The following WDFY4 variants were observed in gnomAD, a reference collection of about 807,000 sequenced individuals.
WDFY4 encodes WDFY family member 4.
A neutral mutation model predicts 351.9 loss-of-function variants in WDFY4; 169 were observed. The observed-to-expected ratio is 0.48, with a 90% confidence interval of 0.42 to 0.55. The LOEUF (loss-of-function observed/expected upper bound fraction) is 0.55, where lower values mean the gene tolerates loss of function less well. Ranked by LOEUF, WDFY4 falls within the 20% of genes least tolerant of loss-of-function variation. The pLI is 0.00. For synonymous variants in WDFY4, 1,622 were observed against 1,574.6 expected, an observed-to-expected ratio of 1.03 and a Z score of -0.71; for missense variants, 3,803 against 3,935.6, an observed-to-expected ratio of 0.97 and a Z score of 0.90.
intron 17 of WDFY4, among the ~76,000 whole-genome samples, 161 bp from the exon 18 acceptor site, chr10:48,778,450 T>A (rs2066108566): frequency 6.6e-6 from 1 of 152,262 alleles, no homozygotes; most frequent in Non-Finnish European, 1.5e-5. Context: ...CTCTGCTCCC[T>A]TGGCAAGGCA....
intron 12 of WDFY4, among the ~76,000 whole-genome samples, chr10:48,747,142 G>A (rs1206841538): frequency 6.6e-6 from 1 of 152,136 alleles, no homozygotes; most frequent in Non-Finnish European, 1.5e-5. Flanking sequence ...GTTTTGCTGG[G>A]TAAACATTTA....
intron 13 of WDFY4, among the ~76,000 whole-genome samples, chr10:48,773,192 T>C (rs1202621130): frequency 6.6e-6 from 1 of 152,218 alleles, no homozygotes; most frequent in East Asian, 1.9e-4. Flanking sequence ...TTTACACTGT[T>C]GGTGGGACTG....
rs548360397 is a variant in WDFY4 at position 48,982,686 on chromosome 10, A to T, written c.*111A>T. 1 of 1,109,102 alleles carries T rather than the reference A, an allele frequency of 9.0e-7. No homozygotes were observed. Among genetic ancestry groups the T allele is most frequent in the Admixed American group, 2.1e-5 (1 of 48,330 alleles). 68.7% of individuals were successfully genotyped at this position (1,109,102 alleles called of 1,614,324 possible). A position where few individuals can be genotyped will look rare whatever the true frequency, so the allele number is the denominator to read the frequency against. On this transcript the variant is annotated 3_prime_UTR_variant, in exon 62 of 62. Coordinates refer to ENST00000325239, the MANE Select transcript of WDFY4 (RefSeq NM_001394531.1). The stretch of plus-strand genomic sequence containing the variant: ...AGAAACCCCCAGGGCCTCCTTCCCC[A>T]CAGTTCTCAAGGAAGGGCCTCTGGC...
At chr10:48,870,540 A>T (rs1011047553) in intron 40 of WDFY4, among the ~76,000 whole-genome samples, 22 of 150,388 alleles carry the variant, frequency 1.5e-4, no homozygotes, top group African/African-American at 5.2e-4. Flanking sequence ...ATGACAGAGA[A>T]AAAGACCTTG....
chr10:48,747,378 C>G (rs576846099), intron 12 of WDFY4, among the ~76,000 whole-genome samples: 1 of 152,236 alleles, frequency 6.6e-6, no homozygotes, highest in East Asian at 1.9e-4. Flanking sequence ...ATTGGGATTC[C>G]TGAATCCCAA....
intron 20 of WDFY4, among the ~76,000 whole-genome samples, chr10:48,787,383 C>A (rs147513465): frequency 3.3e-5 from 5 of 152,344 alleles, no homozygotes; most frequent in African/African-American, 1.2e-4. Flanking sequence ...TGCTCTTGAG[C>A]ATTTCTGTCT....
rs760599206 is a variant in WDFY4 at position 48,970,279 on chromosome 10, G to T, written c.8918G>T (p.Arg2973Leu). 2.6e-6 allele frequency: 4 copies of T among 1,550,552 alleles called. No individual in the cohort carries two copies. The highest frequency in any genetic ancestry group is 2.6e-6 in the Non-Finnish European group (3 of 1,146,994). The change falls in exon 57 of 62, where the codon CGC becomes CTC. Residue 2973 changes from arginine to leucine, a missense_variant. Coordinates refer to ENST00000325239, the MANE Select transcript of WDFY4 (RefSeq NM_001394531.1). The stretch of plus-strand genomic sequence containing the variant: ...ACCAAAGGCCGCCCGAGGGGCTTGC[G>T]CCTCCGGCAGGTATGGTCCAGCTCG... Reference protein sequence around the residue: ...SMTKGRPRGLRLRQALYGHTQ... With the variant: ...SMTKGRPRGLLLRQALYGHTQ...
At chr10:48,872,843 GT>G (rs2133281913) in intron 40 of WDFY4, among the ~76,000 whole-genome samples, 1 of 152,332 alleles carries the variant, frequency 6.6e-6, no homozygotes, top group Non-Finnish European at 1.5e-5. Flanking sequence ...ACTATGAAAG[GT>G]TTTAGCTCCT....
At chr10:48,746,563 T>C (rs887641823) in intron 12 of WDFY4, among the ~76,000 whole-genome samples, 1 of 152,178 alleles carries the variant, frequency 6.6e-6, no homozygotes, top group African/African-American at 2.4e-5. Context: ...TGTTTACGCT[T>C]TCATAATTAT....
At chr10:48,825,415 A>T (rs187153569) in intron 35 of WDFY4, among the ~76,000 whole-genome samples, 21 of 152,198 alleles carry the variant, frequency 1.4e-4, no homozygotes, top group Non-Finnish European at 2.5e-4. Context: ...TGCTGCAATG[A>T]ACATACGCGT....
In WDFY4 at chr10:48,922,790, G is replaced by A. The variant is rs369035599; in HGVS notation, c.7587-19016G>A. On this transcript the variant is annotated intron_variant, in intron 47 of 61. Coordinates refer to ENST00000325239, the MANE Select transcript of WDFY4 (RefSeq NM_001394531.1). ...TGCCTAATAAAAAAATGTCTCAAAC[G>A]TCTACATGAATGGAATGATTCCATT... is the stretch of plus-strand genomic sequence containing the variant. Among the ~76,000 whole-genome samples, 19 of 152,258 alleles carry A rather than the reference G, an allele frequency of 1.2e-4. No individual in the cohort carries two copies. The Middle Eastern group carries it at 0.01, about 82-fold the overall frequency.
At chr10:48,817,025 G>A (rs1466878963) in intron 31 of WDFY4, among the ~76,000 whole-genome samples, 2 of 152,212 alleles carry the variant, frequency 1.3e-5, no homozygotes, top group Admixed American at 6.5e-5. Context: ...GGGTTGTTGT[G>A]GGGTGAGAAG....
chr10:48,957,336 C>T (rs777059339), intron 52 of WDFY4, 54 bp downstream of exon 52: 15 of 1,533,518 alleles, frequency 9.8e-6, no homozygotes, highest in Non-Finnish European at 1.3e-5. Flanking sequence ...TGCTCTTTCC[C>T]ACAGCCCCTG....
chr10:48,866,613 C>T (rs2069552762), intron 39 of WDFY4, among the ~76,000 whole-genome samples: 2 of 152,122 alleles, frequency 1.3e-5, no homozygotes, highest in African/African-American at 2.4e-5. Flanking sequence ...ATCTTGGCTC[C>T]TCAAATTCAG....
intron 51 of WDFY4, among the ~76,000 whole-genome samples, chr10:48,953,843 A>G (rs1442950453): frequency 6.6e-6 from 1 of 152,218 alleles, no homozygotes; most frequent in African/African-American, 2.4e-5. Flanking sequence ...GCCACATTGG[A>G]GAGGGGTTTA....
In WDFY4 at chr10:48,957,131, C is replaced by A. The variant is rs745579627; in HGVS notation, c.7980C>A (p.Gly2660=). Residue 2660 remains glycine, a splice_region_variant and synonymous_variant, in exon 52 of 62, where the codon GGC becomes GGA. Coordinates refer to ENST00000325239, the MANE Select transcript of WDFY4 (RefSeq NM_001394531.1). Reference sequence around the variant, plus strand: ...CATGTTGGCTCCATTTCCCCCAGGGCGGAAGCTTCGACGTGGCAGACAGAA... The same window carrying A: ...CATGTTGGCTCCATTTCCCCCAGGGAGGAAGCTTCGACGTGGCAGACAGAA... The part of the protein sequence containing the change: ...PFTQAFCALQ[G]GSFDVADRMF... The A allele has an allele frequency of 1.9e-6, 3 of 1,548,996 alleles. No individual in the cohort carries two copies. The highest frequency in any genetic ancestry group is 2.0e-5 in the Admixed American group (1 of 50,944).
chr10:48,854,485 T>C (rs1023198016), intron 39 of WDFY4, among the ~76,000 whole-genome samples: 3 of 152,164 alleles, frequency 2.0e-5, no homozygotes, highest in Non-Finnish European at 4.4e-5. Context: ...AGGCGATCCC[T>C]TGCAGTTTAC....
At chr10:48,964,081 G>T (rs1841975415) in intron 54 of WDFY4, 27 bp downstream of exon 54, 1 of 1,547,770 alleles carries the variant, frequency 6.5e-7, no homozygotes, top group East Asian at 2.4e-5. Flanking sequence ...CATTTGCCTT[G>T]CTTTCTCAAA....
intron 29 of WDFY4, 139 bp from the exon 30 acceptor site, chr10:48,811,400 T>A: frequency 1.4e-6 from 1 of 715,114 alleles, no homozygotes; most frequent in Non-Finnish European, 2.3e-6. Context: ...TTTGCTCCCA[T>A]CTATGTGTGA....
Sources: allele counts gnomAD v4.1 joint callset (sites outside exome capture counted in the v4.1 genomes callset), GRCh38; gene constraint gnomAD v4.1.1; transcripts MANE v1.5; gene names NCBI Gene and HGNC (gene_info 2026-07-23, HGNC 2026-07-21).